The following RERE variants were observed in gnomAD, a reference collection of about 807,000 sequenced individuals.
The protein encoded by RERE is arginine-glutamic acid dipeptide repeats protein.
A neutral mutation model predicts 146.1 loss-of-function variants in RERE; 40 were observed. The observed-to-expected ratio is 0.27, with a 90% CI of 0.21 to 0.36. The LOEUF is 0.36. RERE is among the 10% of genes least tolerant of loss of function. The probability of loss-of-function intolerance (pLI) is 1.00; values close to 1 mark genes in which losing one functional copy is unlikely to be tolerated. For synonymous variants in RERE, 1,003 were observed against 866.0 expected (o/e 1.16, Z -2.78); for missense variants, 1,933 against 2,138.7 (o/e 0.90, Z 1.90).
chr1:8,809,904 G>A (rs1005704871), intron 1 of RERE, among the ~76,000 whole-genome samples: 3 of 152,182 alleles, frequency 2.0e-5, no homozygotes, highest in South Asian at 2.1e-4. Flanking sequence ...AAGAACTGAA[G>A]AAAAGGTATT....
chr1:8,810,111 T>C (rs12090763), intron 1 of RERE, among the ~76,000 whole-genome samples: 4,055 of 151,494 alleles, frequency 0.027, 183 homozygotes, highest in African/African-American at 0.092. Context: ...GTTCAAGCGA[T>C]TCTTCCACCT....
At chr1:8,631,021 T>C (rs1258528543) in intron 2 of RERE, among the ~76,000 whole-genome samples, 1 of 152,206 alleles carries the variant, frequency 6.6e-6, no homozygotes, top group East Asian at 1.9e-4. Context: ...CACAGAACAC[T>C]AAATATTTCT....
At chr1:8,724,245 A>G (rs1639915220) in intron 1 of RERE, among the ~76,000 whole-genome samples, 2 of 151,886 alleles carry the variant, frequency 1.3e-5, no homozygotes, top group African/African-American at 4.9e-5. Context: ...TTCTATATGT[A>G]TCCTTCTTTG....
chr1:8,629,931 G>A (rs1010414382), intron 2 of RERE, among the ~76,000 whole-genome samples: 9 of 152,174 alleles, frequency 5.9e-5, no homozygotes, highest in African/African-American at 9.7e-5. Context: ...CTCACAAAGA[G>A]ATTTCTCAGA....
chr1:8,356,272 G>A lies in RERE; in HGVS notation c.4340-26C>T. The A allele has an allele frequency of 6.6e-7, 1 of 1,507,290 alleles. No homozygotes were observed. The allele number at this position is 1,507,290 out of a possible 1,614,324, so 93.4% of individuals were successfully genotyped here. A position where few individuals can be genotyped will look rare whatever the true frequency, so the allele number is the denominator to read the frequency against. On this transcript the variant is annotated intron_variant, in intron 20 of 22. Transcript: ENST00000400908. This position sits in a 1 kb window ranked among gnomAD's most constrained non-coding sequence, Gnocchi z 5.2. ...CTAAGGAAAGGACAAAACGCCAGAT[G>A]GAGGCGGTGTGCAGCTCTTCAATGT...
intron 1 of RERE, among the ~76,000 whole-genome samples, chr1:8,694,324 T>C (rs1185412095): frequency 6.6e-6 from 1 of 152,196 alleles, no homozygotes; most frequent in Non-Finnish European, 1.5e-5. Context: ...AGTATGTCTA[T>C]ACACCAATAA....
At position 8,378,595 on chromosome 1, in the gene RERE, G is replaced by A. The variant is rs58975250; in HGVS notation, c.1285-12621C>T. Reference sequence around the variant, plus strand: ...GACACCCACAGAAGGAAGACCACGGGAAGACACAGGGAGAAGATGGCATCT... The same window carrying A: ...GACACCCACAGAAGGAAGACCACGGAAAGACACAGGGAGAAGATGGCATCT... On this transcript the variant is annotated intron_variant, in intron 12 of 22. Coordinates refer to ENST00000400908, the MANE Select transcript of RERE (RefSeq NM_001042681.2). Among the ~76,000 whole-genome samples the A allele has an allele frequency of 2.1e-3, 325 of 152,318 alleles. 4 individuals are homozygous for A. Among genetic ancestry groups the A allele is most frequent in the African/African-American group, 7.2e-3 (300 of 41,576 alleles).
intron 1 of RERE, among the ~76,000 whole-genome samples, chr1:8,760,899 C>T (rs1248182386): frequency 6.6e-6 from 1 of 152,140 alleles, no homozygotes. Context: ...TTCCATGTGC[C>T]AGGCTAAATT....
At chr1:8,733,674 T>C (rs1459224585) in intron 1 of RERE, among the ~76,000 whole-genome samples, 1 of 152,250 alleles carries the variant, frequency 6.6e-6, no homozygotes, top group East Asian at 1.9e-4. Flanking sequence ...AAGCCTTCAG[T>C]TGACTGCAAC....
rs112470424 is a variant in RERE, at chr1:8,782,086, C to G, written c.-145+35074G>C. On this transcript the variant is annotated intron_variant, in intron 1 of 22. Coordinates refer to ENST00000400908, the MANE Select transcript of RERE (RefSeq NM_001042681.2). The stretch of plus-strand genomic sequence containing the variant: ...CAAAAAGGTGCTATACTCACTCTCT[C>G]AAATTCTCCTTTCATTCTCTCTTAA... 8.6e-3 allele frequency among the ~76,000 whole-genome samples: 1,306 copies of G among 152,260 alleles called. 7 individuals carry two copies. Among genetic ancestry groups the G allele is most frequent in the Non-Finnish European group, 0.013 (912 of 68,030 alleles).
intron 6 of RERE, among the ~76,000 whole-genome samples, chr1:8,547,245 T>A (rs12087570): frequency 1.6e-3 from 238 of 152,088 alleles, no homozygotes; most frequent in African/African-American, 5.3e-3. Flanking sequence ...AAGTACAAAA[T>A]ACATATGGAA....
intron 1 of RERE, among the ~76,000 whole-genome samples, chr1:8,707,876 T>C: frequency 6.6e-6 from 1 of 152,196 alleles, no homozygotes; most frequent in East Asian, 1.9e-4. Flanking sequence ...TCAACTACAG[T>C]TCAAAAATAG....
intron 1 of RERE, among the ~76,000 whole-genome samples, chr1:8,677,704 T>C (rs1408201070): frequency 6.6e-6 from 1 of 152,208 alleles, no homozygotes; most frequent in Non-Finnish European, 1.5e-5. Context: ...AATTTCTCTG[T>C]CTAGACTTCA....
At chr1:8,581,368 G>A (rs1276535162) in intron 4 of RERE, among the ~76,000 whole-genome samples, 1 of 152,120 alleles carries the variant, frequency 6.6e-6, no homozygotes, top group African/African-American at 2.4e-5. Flanking sequence ...TTTTTTAAAT[G>A]TATTCTGCAT....
At chr1:8,492,078 T>A (rs1173347070) in intron 10 of RERE, among the ~76,000 whole-genome samples, 1 of 152,130 alleles carries the variant, frequency 6.6e-6, no homozygotes, top group Non-Finnish European at 1.5e-5. Flanking sequence ...AGTACAAAAA[T>A]TAAAACAGCA....
At chr1:8,809,424 G>A (rs1418758625) in intron 1 of RERE, among the ~76,000 whole-genome samples, 3 of 152,124 alleles carry the variant, frequency 2.0e-5, no homozygotes, top group South Asian at 2.1e-4. Context: ...TCCTTAGGCA[G>A]GAATGCAACC....
rs115835940 is a variant in RERE, at chr1:8,389,706, G to A, written c.1285-23732C>T. Among the ~76,000 whole-genome samples, 398 of 152,314 alleles carry A rather than the reference G, an allele frequency of 2.6e-3. 2 individuals carry two copies. Among genetic ancestry groups the A allele is most frequent in the African/African-American group, 9.0e-3 (375 of 41,558 alleles). On this transcript the variant is annotated intron_variant, in intron 12 of 22. Transcript: ENST00000400908. Reference sequence around the variant, plus strand: ...AGTCGGGGAGCCACCACGGAAGGTCGCATGGAGGGAACCTCACCACTTCCC... The same window carrying A: ...AGTCGGGGAGCCACCACGGAAGGTCACATGGAGGGAACCTCACCACTTCCC...
intron 4 of RERE, among the ~76,000 whole-genome samples, chr1:8,570,615 T>C (rs972229516): frequency 6.6e-6 from 1 of 152,196 alleles, no homozygotes; most frequent in Non-Finnish European, 1.5e-5. Flanking sequence ...TGGAATGCAC[T>C]GTACACTCCT....
At chr1:8,704,312 T>C (rs967164485) in intron 1 of RERE, among the ~76,000 whole-genome samples, 2 of 152,240 alleles carry the variant, frequency 1.3e-5, no homozygotes, top group African/African-American at 4.8e-5. Context: ...AGACATTGTA[T>C]AGGAATTTTT....
Sources: allele counts gnomAD v4.1 joint callset (sites outside exome capture counted in the v4.1 genomes callset), GRCh38; gene constraint gnomAD v4.1.1; non-coding constraint Gnocchi (gnomAD v3.1); transcripts MANE v1.5; gene names NCBI Gene and HGNC (gene_info 2026-07-23, HGNC 2026-07-21).